Variants in RIN2 observed in about 807,000 individuals in gnomAD.
The protein encoded by RIN2 is Ras and Rab interactor 2, also known as RAB5 interacting protein 2.
In RIN2, 36 loss-of-function variants were observed where a neutral mutation model predicts 78.0. The ratio of observed to expected loss-of-function variants is 0.46; its 90% confidence interval spans 0.35 to 0.61. The LOEUF (loss-of-function observed/expected upper bound fraction) is 0.61. Ranked by LOEUF, RIN2 falls within the 20% of genes least tolerant of loss-of-function variation. RIN2 has a pLI of 0.00. For missense variants in RIN2, 1,087 were observed against 1,159.7 expected, an observed-to-expected ratio of 0.94 and a Z score of 0.91; for synonymous variants, 466 against 466.8, an observed-to-expected ratio of 1.00 and a Z score of 0.02.
intron 7 of RIN2, among the ~76,000 whole-genome samples, chr20:19,970,079 G>A (rs543712309): frequency 3.3e-5 from 5 of 152,330 alleles, no homozygotes; most frequent in South Asian, 2.1e-4. Flanking sequence ...CCATCTGCAC[G>A]TGGCACCATG....
At chr20:19,822,884 G>T (rs77043489) in intron 2 of RIN2, among the ~76,000 whole-genome samples, 7,116 of 152,126 alleles carry the variant, frequency 0.047, 429 homozygotes, top group African/African-American at 0.14. Flanking sequence ...GCAAAAAGAG[G>T]TGACTATTTG....
chr20:19,983,079 A>G (rs1316127645), intron 9 of RIN2, among the ~76,000 whole-genome samples: 6 of 152,202 alleles, frequency 3.9e-5, no homozygotes, highest in African/African-American at 1.2e-4. Flanking sequence ...AGAGAATCCA[A>G]ACTAAGACAA....
chr20:20,000,523 G>T, intron 12 of RIN2, 90 bp from the exon 13 acceptor site: 1 of 1,021,512 alleles, frequency 9.8e-7, no homozygotes. Flanking sequence ...CCTGGAAATG[G>T]CTTACAGTTA....
intron 9 of RIN2, among the ~76,000 whole-genome samples, chr20:19,984,617 G>C (rs1275215072): frequency 1.3e-5 from 2 of 151,990 alleles, no homozygotes; most frequent in African/African-American, 4.8e-5. Flanking sequence ...AAATACAAAA[G>C]TTAGCTGGGT....
Position 19,785,443 on chromosome 20 carries a change from G to A in RIN2, c.-162-14179G>A, listed in dbSNP as rs536700351. On this transcript the variant is annotated intron_variant, in intron 1 of 12. Transcript: ENST00000255006. The stretch of plus-strand genomic sequence containing the variant: ...CCCAGGATGAAGTGAAATGAGAGTT[G>A]ACTGAACTCCGGAGAGGAAATGGGG... 1.1e-4 allele frequency among the ~76,000 whole-genome samples: 16 copies of A among 152,308 alleles called. No homozygotes were observed. The East Asian group carries it at 3.1e-3, about 29-fold the overall frequency.
At chr20:19,860,775 T>C (rs1468583485) in intron 2 of RIN2, among the ~76,000 whole-genome samples, 2 of 152,244 alleles carry the variant, frequency 1.3e-5, no homozygotes, top group Non-Finnish European at 2.9e-5. Flanking sequence ...TGGTTTCTTA[T>C]TTAATTATGT....
chr20:19,967,895 A>T (rs975013537), intron 7 of RIN2, among the ~76,000 whole-genome samples: 1 of 152,214 alleles, frequency 6.6e-6, no homozygotes, highest in African/African-American at 2.4e-5. Context: ...TCTAATCCTT[A>T]TGGCAACCCT....
At chr20:19,796,711 T>G (rs2035066048) in intron 1 of RIN2, among the ~76,000 whole-genome samples, 1 of 152,208 alleles carries the variant, frequency 6.6e-6, no homozygotes, top group Non-Finnish European at 1.5e-5. Flanking sequence ...TGATTTGGGA[T>G]GTACTCTGGG....
intron 3 of RIN2, among the ~76,000 whole-genome samples, chr20:19,901,276 C>T (rs6112642): frequency 0.36 from 55,024 of 151,178 alleles, 9,990 homozygotes; most frequent in Admixed American, 0.38. Context: ...CTTGGTGTTA[C>T]TACTGGTGTC....
intron 2 of RIN2, among the ~76,000 whole-genome samples, chr20:19,861,206 C>T (rs1355966872): frequency 6.6e-6 from 1 of 152,204 alleles, no homozygotes; most frequent in African/African-American, 2.4e-5. Flanking sequence ...ACCTCCTAAA[C>T]TCCTATTCTT....
chr20:19,821,543 G>GC lies in RIN2; in HGVS notation c.-37+21800dup, dbSNP rs899642854. Among the ~76,000 whole-genome samples the GC allele has an allele frequency of 6.6e-5, 10 of 152,150 alleles. No homozygotes were observed. In the East Asian group the frequency reaches 1.4e-3, roughly 21 times the overall value. ...AGGATGATCTGATCTTCCCTGTCCAGCCCCACTTCCCCTTCCACAGGACAC... is the reference window on the plus strand; with the variant it reads ...AGGATGATCTGATCTTCCCTGTCCAGCCCCCACTTCCCCTTCCACAGGACAC... On this transcript the variant is annotated intron_variant, in intron 2 of 12. Transcript: ENST00000255006.
At chr20:19,945,337 C>T (rs1418916096) in intron 4 of RIN2, among the ~76,000 whole-genome samples, 1 of 152,104 alleles carries the variant, frequency 6.6e-6, no homozygotes, top group Non-Finnish European at 1.5e-5. Context: ...CTCACATGGG[C>T]AGGAGGTGGG....
intron 4 of RIN2, among the ~76,000 whole-genome samples, chr20:19,939,262 G>GT (rs1568634767): frequency 6.6e-6 from 1 of 152,172 alleles, no homozygotes; most frequent in Non-Finnish European, 1.5e-5. Context: ...TGGCCAGTCT[G>GT]ATCTCGAATT....
At chr20:19,772,142 C>T (rs1838377854) in intron 1 of RIN2, among the ~76,000 whole-genome samples, 1 of 152,208 alleles carries the variant, frequency 6.6e-6, no homozygotes, top group African/African-American at 2.4e-5. Context: ...TCACCAGTTT[C>T]TCACCCTGTT....
chr20:19,999,227 G>C (rs2043065678), intron 12 of RIN2, among the ~76,000 whole-genome samples: 1 of 151,978 alleles, frequency 6.6e-6, no homozygotes, highest in African/African-American at 2.4e-5. Context: ...TAGCCTCTCT[G>C]TGCCTCAGTT....
At chr20:19,815,119 C>A (rs961616288) in intron 2 of RIN2, among the ~76,000 whole-genome samples, 1 of 152,144 alleles carries the variant, frequency 6.6e-6, no homozygotes, top group Non-Finnish European at 1.5e-5. Context: ...AGTGATCAGT[C>A]CTAATAACTC....
At chr20:19,771,850 TC>T (rs1388914726) in intron 1 of RIN2, among the ~76,000 whole-genome samples, 2 of 152,146 alleles carry the variant, frequency 1.3e-5, no homozygotes, top group Non-Finnish European at 2.9e-5. Flanking sequence ...ACTCCGACTC[TC>T]CCTTCTCAAG....
rs962328793 is a variant in RIN2, at chr20:19,842,453, G to T, written c.-37+42706G>T. Among the ~76,000 whole-genome samples the T allele has an allele frequency of 1.2e-4, 15 of 128,042 alleles. No individual in the cohort carries two copies. In the Admixed American group the frequency reaches 1.5e-3, roughly 13 times the overall value. The allele number at this position is 128,042 out of a possible 152,430, so 84.0% of individuals were successfully genotyped here. A position where few individuals can be genotyped will look rare whatever the true frequency, so the allele number is the denominator to read the frequency against. On this transcript the variant is annotated intron_variant, in intron 2 of 12. Transcript: ENST00000255006. ...GATGGGGTTTCGCCATGTTGGCCAG[G>T]CTGGTCTCGAACTCTGGACCTCAGG...
At chr20:19,857,100 G>A (rs368297841) in intron 2 of RIN2, among the ~76,000 whole-genome samples, 4 of 152,192 alleles carry the variant, frequency 2.6e-5, no homozygotes, top group Non-Finnish European at 2.9e-5. Context: ...TCATTATCCC[G>A]GATGGTTTCC....
Sources: gnomAD v4.1 joint callset for allele counts (sites outside exome capture counted in the v4.1 genomes callset) on GRCh38, gnomAD v4.1.1 for gene constraint, MANE v1.5 for transcripts, NCBI Gene and HGNC (gene_info 2026-07-23, HGNC 2026-07-21) for gene names.